PLA2G4A: variants seen among roughly 807,000 people sequenced by gnomAD.
PLA2G4A encodes the protein cytosolic phospholipase A2.
Under a neutral mutation model 81.9 loss-of-function variants are expected in PLA2G4A, and 40 were observed. The observed-to-expected ratio is 0.49, with a 90% CI of 0.38 to 0.64. PLA2G4A has a LOEUF of 0.64. PLA2G4A is among the 30% of genes least tolerant of loss of function. The probability of loss-of-function intolerance (pLI) is 0.00; values close to 1 mark genes in which losing one functional copy is unlikely to be tolerated. For missense variants in PLA2G4A, 715 were observed against 905.1 expected (o/e 0.79, Z 2.69); for synonymous variants, 302 against 296.9 (o/e 1.02, Z -0.18).
intron 17 of PLA2G4A, among the ~76,000 whole-genome samples, chr1:186,980,150 G>A (rs1264954394): frequency 6.6e-6 from 1 of 151,972 alleles, no homozygotes; most frequent in African/African-American, 2.4e-5. Flanking sequence ...GGGTTTCACC[G>A]TGTTAGTCTC....
At chr1:186,857,151 T>TATTCTAAAATATATATTATATAATTA (rs376200369) in intron 2 of PLA2G4A, among the ~76,000 whole-genome samples, 1 of 38,030 alleles carries the variant, frequency 2.6e-5, no homozygotes, top group Non-Finnish European at 3.9e-5. Context: ...AATTATATAA[T>TATTCTAAAATATATATTATATAATTA]TACATAATAT....
At position 186,946,642 on chromosome 1, in the gene PLA2G4A, G is replaced by A; in HGVS notation, c.1039G>A (p.Val347Ile). Residue 347 changes from valine to isoleucine, a missense_variant, in exon 11 of 18, where the codon GTT (valine) becomes ATT (isoleucine). Transcript: ENST00000367466. ...DVSELMFADWVEFSPYEIGMA... is the reference protein window; with the variant it reads ...DVSELMFADWIEFSPYEIGMA... The stretch of plus-strand genomic sequence containing the variant: ...TGTTTTTAAAATACTTTCAGATTGG[G>A]TTGAATTTAGTCCATACGAAATTGG... 6.2e-7 allele frequency: 1 copy of A among 1,609,528 alleles called. No homozygotes were observed. The highest frequency in any genetic ancestry group is 8.5e-7 in the Non-Finnish European group (1 of 1,176,332).
intron 10 of PLA2G4A, among the ~76,000 whole-genome samples, chr1:186,941,917 A>G (rs759072566): frequency 6.6e-6 from 1 of 152,222 alleles, no homozygotes; most frequent in Non-Finnish European, 1.5e-5. Flanking sequence ...GAGACTTCTC[A>G]CAATGTTTTG....
At chr1:186,928,573 G>T (rs1300609248) in intron 7 of PLA2G4A, among the ~76,000 whole-genome samples, 2 of 152,170 alleles carry the variant, frequency 1.3e-5, no homozygotes, top group African/African-American at 4.8e-5. Flanking sequence ...CCACAATGGT[G>T]TAAGACAATT....
chr1:186,894,703 A>G (rs957360557), intron 5 of PLA2G4A, among the ~76,000 whole-genome samples: 2 of 152,222 alleles, frequency 1.3e-5, no homozygotes, highest in African/African-American at 4.8e-5. Context: ...AAATAGGGAC[A>G]AAGCAGTGAA....
At chr1:186,966,470 A>G (rs1471266861) in intron 15 of PLA2G4A, among the ~76,000 whole-genome samples, 3 of 152,090 alleles carry the variant, frequency 2.0e-5, no homozygotes. Context: ...TGGAAAAAGG[A>G]AGTTAAGGAA....
intron 7 of PLA2G4A, among the ~76,000 whole-genome samples, chr1:186,912,741 CAT>C (rs1654996001): frequency 7.1e-6 from 1 of 140,314 alleles, no homozygotes; most frequent in Non-Finnish European, 1.5e-5. Context: ...CATATATATA[CAT>C]ATATATGTAT....
intron 14 of PLA2G4A, among the ~76,000 whole-genome samples, chr1:186,958,132 A>G (rs1656820603): frequency 6.6e-6 from 1 of 152,122 alleles, no homozygotes; most frequent in South Asian, 2.1e-4. Flanking sequence ...TTGTTTAAAC[A>G]AGATTAGTGC....
chr1:186,968,900 T>TA (rs11399679), intron 15 of PLA2G4A, among the ~76,000 whole-genome samples: 143,764 of 150,974 alleles, frequency 0.95, 68,592 homozygotes, highest in East Asian at 0.98. Flanking sequence ...AAAGACGAAG[T>TA]AAAAAAAAAT....
At chr1:186,982,293 T>C (rs1657747769) in intron 17 of PLA2G4A, among the ~76,000 whole-genome samples, 1 of 152,250 alleles carries the variant, frequency 6.6e-6, no homozygotes, top group Admixed American at 6.5e-5. Flanking sequence ...ATGGGCGTTA[T>C]ATCATCTTTA....
chr1:186,932,932 CTT>C, intron 8 of PLA2G4A, 33 bp downstream of exon 8: 1 of 1,496,412 alleles, frequency 6.7e-7, no homozygotes, highest in East Asian at 2.3e-5. Flanking sequence ...AGTTTTATAA[CTT>C]TAAATATTTA....
intron 1 of PLA2G4A, among the ~76,000 whole-genome samples, chr1:186,834,787 C>G (rs762148534): frequency 6.6e-5 from 10 of 152,116 alleles, no homozygotes; most frequent in Non-Finnish European, 1.0e-4. Flanking sequence ...TCAGGTTGGT[C>G]GTAGAGAATT....
chr1:186,881,175 T>C (rs12091045), intron 3 of PLA2G4A, among the ~76,000 whole-genome samples: 11,494 of 151,988 alleles, frequency 0.076, 540 homozygotes, highest in African/African-American at 0.12. Context: ...TGCCTTACAC[T>C]CCCTTACAAA....
intron 7 of PLA2G4A, among the ~76,000 whole-genome samples, chr1:186,919,818 G>C (rs1655280687): frequency 6.6e-6 from 1 of 152,206 alleles, no homozygotes; most frequent in Non-Finnish European, 1.5e-5. Flanking sequence ...AGTCACTGTA[G>C]CTTGGTTGAC....
intron 6 of PLA2G4A, among the ~76,000 whole-genome samples, chr1:186,910,045 A>T (rs1199230386): frequency 6.6e-6 from 1 of 152,150 alleles, no homozygotes; most frequent in Non-Finnish European, 1.5e-5. Context: ...TATTTTAATA[A>T]CAGTATCATT....
At position 186,983,754 on chromosome 1, in the gene PLA2G4A, G is replaced by A. The variant is rs1211826434; in HGVS notation, c.2118+4282G>A. On this transcript the variant is annotated intron_variant, in intron 17 of 17. Coordinates refer to ENST00000367466, the MANE Select transcript of PLA2G4A (RefSeq NM_024420.3). ...CTTACACTGGTAGACATGTGATGGC[G>A]GCGGGGCGGGGGTGGGATGCAGAGG... Among the ~76,000 whole-genome samples the A allele has an allele frequency of 6.6e-5, 10 of 151,834 alleles. No homozygotes were observed. The East Asian group carries it at 1.4e-3, about 21-fold the overall frequency.
intron 2 of PLA2G4A, among the ~76,000 whole-genome samples, chr1:186,863,755 T>C (rs889392297): frequency 1.9e-5 from 2 of 104,636 alleles, no homozygotes; most frequent in Non-Finnish European, 3.8e-5. Flanking sequence ...TCTGTGCAAA[T>C]ATATAATTTT....
intron 8 of PLA2G4A, 22 bp from the exon 9 acceptor site, chr1:186,938,986 T>C (rs1656049354): frequency 4.2e-6 from 5 of 1,182,798 alleles, no homozygotes; most frequent in South Asian, 3.6e-5. Flanking sequence ...TCTTTACTGA[T>C]TGTGTTTTGT....
At chr1:186,830,501 G>T (rs1651507965) in intron 1 of PLA2G4A, among the ~76,000 whole-genome samples, 1 of 151,170 alleles carries the variant, frequency 6.6e-6, no homozygotes, top group Non-Finnish European at 1.5e-5. Flanking sequence ...CCAGCTACTT[G>T]GGAGGCTGAG....
Sources: allele counts gnomAD v4.1 joint callset (sites outside exome capture counted in the v4.1 genomes callset), GRCh38; gene constraint gnomAD v4.1.1; transcripts MANE v1.5; gene names NCBI Gene and HGNC (gene_info 2026-07-23, HGNC 2026-07-21).